Variants in RBFOX1 observed in about 807,000 individuals in gnomAD.
RBFOX1 encodes RNA binding protein fox-1 homolog 1.
A neutral mutation model predicts 57.7 loss-of-function variants in RBFOX1; 8 were observed. The ratio of observed to expected loss-of-function variants is 0.14; its 90% CI spans 0.08 to 0.25. RBFOX1 has a LOEUF of 0.25. Ranked by LOEUF, RBFOX1 falls within the 10% of genes least tolerant of loss-of-function variation. RBFOX1 has a pLI of 1.00. For synonymous variants in RBFOX1, 326 were observed against 222.4 expected (o/e 1.47, Z -4.15); for missense variants, 611 against 548.5 (o/e 1.11, Z -1.14).
chr16:5,786,115 G>C (rs543852601), intron 3 of RBFOX1, among the ~76,000 whole-genome samples: 1 of 152,236 alleles, frequency 6.6e-6, no homozygotes, highest in South Asian at 2.1e-4. Context: ...AAGGCCCTTG[G>C]TGATTCAGAC....
intron 3 of RBFOX1, among the ~76,000 whole-genome samples, chr16:7,038,668 A>T (rs1255555578): frequency 6.6e-6 from 1 of 152,080 alleles, no homozygotes; most frequent in Non-Finnish European, 1.5e-5. Flanking sequence ...GAACAACTCC[A>T]CGAGACTGCA....
intron 1 of RBFOX1, among the ~76,000 whole-genome samples, chr16:6,227,644 A>G (rs1056345608): frequency 2.0e-5 from 3 of 152,176 alleles, no homozygotes; most frequent in Non-Finnish European, 4.4e-5. Flanking sequence ...GCAGCCATCT[A>G]TGACCATGAG....
intron 3 of RBFOX1, among the ~76,000 whole-genome samples, chr16:6,951,865 C>T (rs971451459): frequency 3.3e-5 from 5 of 152,014 alleles, no homozygotes; most frequent in Admixed American, 2.6e-4. Flanking sequence ...TACTGAGTAG[C>T]TGGGATTACA....
Position 6,163,044 on chromosome 16 carries a change from T to G in RBFOX1, c.-127+143052T>G, listed in dbSNP as rs151051959. 4.9e-3 allele frequency among the ~76,000 whole-genome samples: 744 copies of G among 152,244 alleles called. 5 individuals carry two copies. Among genetic ancestry groups the G allele is most frequent in the Non-Finnish European group, 4.7e-3 (319 of 68,018 alleles). On this transcript the variant is annotated intron_variant, in intron 1 of 15. Transcript: ENST00000550418. ...CCACTGTGCCTATCCCACAACGTGCTTTTGAGCAACAGCAATAACTCCAGA... is the reference window on the plus strand; with the variant it reads ...CCACTGTGCCTATCCCACAACGTGCGTTTGAGCAACAGCAATAACTCCAGA...
At chr16:6,475,258 T>A (rs2153086003) in intron 2 of RBFOX1, among the ~76,000 whole-genome samples, 1 of 152,340 alleles carries the variant, frequency 6.6e-6, no homozygotes, top group Admixed American at 6.5e-5. Context: ...TTGGTTGTAA[T>A]ACTATTAGAA....
chr16:5,352,591 A>T (rs1044244356), intron 1 of RBFOX1, among the ~76,000 whole-genome samples: 1 of 152,176 alleles, frequency 6.6e-6, no homozygotes, highest in Non-Finnish European at 1.5e-5. Context: ...CCTAAGATCA[A>T]ACACATTCTC....
At chr16:7,292,057 G>A (rs1351200620) in intron 4 of RBFOX1, among the ~76,000 whole-genome samples, 1 of 73,622 alleles carries the variant, frequency 1.4e-5, no homozygotes, top group African/African-American at 5.1e-5. Context: ...ATTACATATT[G>A]TATATATTAT....
intron 4 of RBFOX1, among the ~76,000 whole-genome samples, chr16:7,200,575 G>A (rs1404149891): frequency 6.6e-6 from 1 of 152,144 alleles, no homozygotes; most frequent in Admixed American, 6.5e-5. Flanking sequence ...CATTCAAGAA[G>A]GAGTTGTGAC....
intron 5 of RBFOX1, among the ~76,000 whole-genome samples, chr16:7,567,675 G>T (rs1209854857): frequency 1.6e-5 from 2 of 124,922 alleles, no homozygotes; most frequent in Non-Finnish European, 3.3e-5. Flanking sequence ...CCCTATATAT[G>T]GCCCTATATA....
chr16:5,643,154 C>T (rs553466442), intron 3 of RBFOX1, among the ~76,000 whole-genome samples: 4 of 152,036 alleles, frequency 2.6e-5, no homozygotes, highest in East Asian at 1.9e-4. Flanking sequence ...ATGGTTGCCA[C>T]GGTAGGCATG....
rs541786744 is a variant in RBFOX1 at position 7,424,824 on chromosome 16, C to G, written c.28-93323C>G. ...ATAATCACCTTTCTAGTTATTTTTT[C>G]TTCAGGTTCTGGGTCTCCCTCTGGA... On this transcript the variant is annotated intron_variant, in intron 4 of 15. Transcript: ENST00000550418. Among the ~76,000 whole-genome samples, 177 of 152,188 alleles carry G rather than the reference C, an allele frequency of 1.2e-3. 1 individual carries two copies. Among genetic ancestry groups the G allele is most frequent in the Middle Eastern group, 6.8e-3 (2 of 294 alleles).
intron 4 of RBFOX1, among the ~76,000 whole-genome samples, chr16:7,361,326 G>A (rs1376448575): frequency 6.6e-6 from 1 of 152,230 alleles, no homozygotes; most frequent in Non-Finnish European, 1.5e-5. Flanking sequence ...CTTAGAGGAT[G>A]CCTAAATTGA....
intron 4 of RBFOX1, among the ~76,000 whole-genome samples, chr16:7,441,239 A>G (rs1005277781): frequency 6.6e-6 from 1 of 152,200 alleles, no homozygotes; most frequent in Non-Finnish European, 1.5e-5. Context: ...AAGCTCTGCA[A>G]GGCTAGGAAT....
At chr16:6,843,953 G>C (rs558976762) in intron 3 of RBFOX1, among the ~76,000 whole-genome samples, 1 of 152,206 alleles carries the variant, frequency 6.6e-6, no homozygotes, top group Non-Finnish European at 1.5e-5. Context: ...AAATCACAAG[G>C]CTTGCTTGGA....
intron 4 of RBFOX1, among the ~76,000 whole-genome samples, chr16:5,928,885 C>T (rs1482347515): frequency 6.6e-6 from 1 of 151,978 alleles, no homozygotes; most frequent in Admixed American, 6.6e-5. Flanking sequence ...GCCTCTGTGA[C>T]AGCCCATGTT....
intron 1 of RBFOX1, among the ~76,000 whole-genome samples, chr16:6,157,282 A>G (rs558156383): frequency 3.9e-5 from 6 of 152,312 alleles, no homozygotes; most frequent in Non-Finnish European, 5.9e-5. Flanking sequence ...CAGGTGGCCA[A>G]GGTAAGCCCA....
intron 4 of RBFOX1, among the ~76,000 whole-genome samples, chr16:7,386,244 T>A (rs996422295): frequency 2.6e-5 from 4 of 152,176 alleles, no homozygotes; most frequent in African/African-American, 9.7e-5. Context: ...GTACTGGTCC[T>A]TTATGATACT....
At chr16:6,967,043 T>C (rs779325675) in intron 3 of RBFOX1, among the ~76,000 whole-genome samples, 1 of 152,140 alleles carries the variant, frequency 6.6e-6, no homozygotes, top group Non-Finnish European at 1.5e-5. Flanking sequence ...TGTACGTGCA[T>C]CCACCCTCCA....
At chr16:7,602,847 T>A (rs1447118236) in intron 9 of RBFOX1, among the ~76,000 whole-genome samples, 2 of 152,170 alleles carry the variant, frequency 1.3e-5, no homozygotes, top group African/African-American at 2.4e-5. Context: ...ACCAAACAAG[T>A]CTCAACAAAT....
Sources: allele counts gnomAD v4.1 joint callset (sites outside exome capture counted in the v4.1 genomes callset), GRCh38; gene constraint gnomAD v4.1.1; transcripts MANE v1.5; gene names NCBI Gene and HGNC (gene_info 2026-07-23, HGNC 2026-07-21).